STAC: variants seen among roughly 807,000 people sequenced by gnomAD.
STAC encodes the protein SH3 and cysteine rich domain, also known as SH3 and cysteine-rich domain-containing protein.
A neutral mutation model predicts 48.8 loss-of-function variants in STAC; 43 were observed. The ratio of observed to expected loss-of-function variants is 0.88; its 90% confidence interval spans 0.69 to 1.14. The LOEUF (loss-of-function observed/expected upper bound fraction) is 1.14, where lower values mean the gene tolerates loss of function less well. Among genes scored for constraint, STAC ranks in the 50% most tolerant of loss-of-function variants. The pLI, the probability that STAC is intolerant of heterozygous loss-of-function variation, is 0.00. For synonymous variants in STAC, 193 were observed against 179.5 expected (o/e 1.07, Z -0.60); for missense variants, 497 against 504.0 (o/e 0.99, Z 0.13).
chr3:36,415,279 G>A (rs1217604209), intron 1 of STAC, among the ~76,000 whole-genome samples: 1 of 152,192 alleles, frequency 6.6e-6, no homozygotes, highest in Non-Finnish European at 1.5e-5. Flanking sequence ...GGAGTCTACA[G>A]AGGCAGGCAG....
At chr3:36,384,893 T>C (rs777965507) in intron 1 of STAC, among the ~76,000 whole-genome samples, 2 of 152,182 alleles carry the variant, frequency 1.3e-5, no homozygotes, top group African/African-American at 2.4e-5. Context: ...TGTGTCCATC[T>C]ATCAGCAATT....
intron 8 of STAC, among the ~76,000 whole-genome samples, chr3:36,510,165 A>G (rs1239225199): frequency 2.0e-5 from 3 of 152,192 alleles, no homozygotes; most frequent in African/African-American, 4.8e-5. Flanking sequence ...ACACTTCTCA[A>G]AAGAAGACAT....
intron 2 of STAC, among the ~76,000 whole-genome samples, chr3:36,461,515 T>C (rs1697016104): frequency 6.6e-6 from 1 of 152,052 alleles, no homozygotes; most frequent in South Asian, 2.1e-4. Flanking sequence ...TAGAGATGAA[T>C]AGATAGGTAA....
chr3:36,412,908 G>A (rs1008520921), intron 1 of STAC, among the ~76,000 whole-genome samples: 3 of 152,120 alleles, frequency 2.0e-5, no homozygotes, highest in African/African-American at 7.2e-5. Context: ...AATTTGGGGT[G>A]GTGAGGCATA....
intron 7 of STAC, 104 bp from the exon 8 acceptor site, chr3:36,505,642 C>T: frequency 1.3e-6 from 1 of 750,480 alleles, no homozygotes; most frequent in African/African-American, 1.8e-5. Flanking sequence ...GATCCATACA[C>T]TGAAATTACA....
chr3:36,398,368 A>G (rs201895777), intron 1 of STAC, among the ~76,000 whole-genome samples: 1,717 of 102,908 alleles, frequency 0.017, 82 homozygotes, highest in East Asian at 0.054. Flanking sequence ...AGAAAGAAAG[A>G]AAAGAAAGAG....
intron 2 of STAC, among the ~76,000 whole-genome samples, 171 bp from the exon 3 acceptor site, chr3:36,482,821 T>C (rs1007807601): frequency 6.6e-6 from 1 of 152,100 alleles, no homozygotes; most frequent in African/African-American, 2.4e-5. Context: ...AGGTAGAAAA[T>C]GCAGGAGAAA....
At chr3:36,485,210 G>C in intron 4 of STAC, 152 bp downstream of exon 4, 1 of 536,586 alleles carries the variant, frequency 1.9e-6, no homozygotes, top group Non-Finnish European at 3.1e-6. Context: ...TTGCTGGAAG[G>C]GAAACATAAA....
At chr3:36,484,077 T>A (rs1018153872) in intron 3 of STAC, among the ~76,000 whole-genome samples, 3 of 152,204 alleles carry the variant, frequency 2.0e-5, no homozygotes, top group African/African-American at 7.2e-5. Flanking sequence ...TCAACAGCTG[T>A]CTTCAACAAT....
intron 6 of STAC, among the ~76,000 whole-genome samples, chr3:36,494,429 C>T (rs904373025): frequency 3.9e-5 from 6 of 152,204 alleles, no homozygotes; most frequent in African/African-American, 1.4e-4. Flanking sequence ...CAAGCCCTGC[C>T]TTTTCCAGCC....
rs59589769 is a variant in STAC, at chr3:36,390,451, C to CTTTTTTTTTTTTTTTTT, written c.111+9702_111+9718dup. On this transcript the variant is annotated intron_variant, in intron 1 of 10. Transcript: ENST00000273183. ...GAAGTAATCATGTGATTTTTCTTTT[C>CTTTTTTTTTTTTTTTTT]TTTTTTTTTTTTTTTTTTTTTGTCC... Among the ~76,000 whole-genome samples, 155 of 80,834 alleles carry CTTTTTTTTTTTTTTTTT rather than the reference C, an allele frequency of 1.9e-3. 7 individuals are homozygous for CTTTTTTTTTTTTTTTTT. The highest frequency in any genetic ancestry group is 3.3e-3 in the East Asian group (8 of 2,444). The allele number at this position is 80,834 out of a possible 152,430, so 53.0% of individuals were successfully genotyped here.
At chr3:36,428,187 T>C (rs2125650493) in intron 1 of STAC, among the ~76,000 whole-genome samples, 1 of 152,292 alleles carries the variant, frequency 6.6e-6, no homozygotes, top group East Asian at 1.9e-4. Context: ...CTTTGTAAAA[T>C]TTGAGTATGA....
intron 2 of STAC, among the ~76,000 whole-genome samples, chr3:36,454,396 C>T (rs1189930828): frequency 1.3e-5 from 2 of 152,032 alleles, no homozygotes; most frequent in African/African-American, 4.8e-5. Flanking sequence ...AGCGAGACCA[C>T]GAACCCACCA....
At chr3:36,545,302 C>T (rs1268850978) in intron 10 of STAC, among the ~76,000 whole-genome samples, 1 of 152,220 alleles carries the variant, frequency 6.6e-6, no homozygotes, top group Non-Finnish European at 1.5e-5. Context: ...CCAGAGCTCC[C>T]AGGCGAACCA....
intron 1 of STAC, among the ~76,000 whole-genome samples, chr3:36,422,480 T>A (rs377458910): frequency 2.6e-5 from 4 of 152,102 alleles, no homozygotes; most frequent in African/African-American, 9.7e-5. Context: ...AATTTTATTA[T>A]AAACTCATCC....
Position 36,380,605 on chromosome 3 carries a change from G to A in STAC, c.-39G>A, listed in dbSNP as rs1385838953. On this transcript the variant is annotated 5_prime_UTR_variant, in exon 1 of 11. Coordinates refer to ENST00000273183, the MANE Select transcript of STAC (RefSeq NM_003149.3). ...GGGCGCGCAGGACAGAAGCCTCGCTGTTCCTCCGGGAGCCCAACACCGTTC... is the reference window on the plus strand; with the variant it reads ...GGGCGCGCAGGACAGAAGCCTCGCTATTCCTCCGGGAGCCCAACACCGTTC... 6.7e-6 allele frequency: 10 copies of A among 1,489,206 alleles called. No homozygotes were observed. The highest frequency in any genetic ancestry group is 9.2e-6 in the Non-Finnish European group (10 of 1,089,892). 92.2% of individuals were successfully genotyped at this position (1,489,206 alleles called of 1,614,324 possible).
rs139733961 is a variant in STAC at position 36,505,794 on chromosome 3, T to C, written c.880T>C (p.Tyr294His). The C allele has an allele frequency of 1.5e-4, 241 of 1,608,968 alleles. No individual in the cohort carries two copies. The highest frequency in any genetic ancestry group is 2.4e-4 in the Admixed American group (14 of 58,942). The change falls in exon 8 of 11, where the codon TAC becomes CAC. Residue 294 changes from tyrosine (Y) to histidine (H), a missense_variant. Physicochemically the swap from Tyr to His is moderately conservative, Grantham distance 83. Coordinates refer to ENST00000273183, the MANE Select transcript of STAC (RefSeq NM_003149.3). ...PLQMNTYVAL[Y>H]KFVPQENEDL... ...ACAGATGAACACCTATGTTGCCTTG[T>C]ACAAATTTGTACCACAGGAGAATGA...
intron 1 of STAC, among the ~76,000 whole-genome samples, chr3:36,439,146 A>G (rs1183949012): frequency 1.3e-5 from 2 of 152,142 alleles, no homozygotes. Context: ...GGCAGATTCA[A>G]TTTGAACCCT....
intron 1 of STAC, among the ~76,000 whole-genome samples, chr3:36,432,202 A>T (rs184290194): frequency 2.0e-5 from 3 of 152,252 alleles, no homozygotes; most frequent in East Asian, 3.9e-4. Flanking sequence ...CTCACAACAA[A>T]TCTGCAGGGA....
Sources: gnomAD v4.1 joint callset for allele counts (sites outside exome capture counted in the v4.1 genomes callset) on GRCh38, gnomAD v4.1.1 for gene constraint, MANE v1.5 for transcripts, NCBI Gene and HGNC (gene_info 2026-07-23, HGNC 2026-07-21) for gene names.